Variants in METTL15 observed in about 807,000 individuals in gnomAD.
The protein encoded by METTL15 is methyltransferase 15, mitochondrial 12S rRNA N4-cytidine.
In METTL15, 34 loss-of-function variants were observed where a neutral mutation model predicts 38.3. That is an observed-to-expected ratio of 0.89 (90% confidence interval 0.68 to 1.18). The LOEUF (loss-of-function observed/expected upper bound fraction) is 1.18, where lower values mean the gene tolerates loss of function less well. METTL15 is among the 50% of genes most tolerant of loss of function. The pLI, the probability that METTL15 is intolerant of heterozygous loss-of-function variation, is 0.00. For missense variants in METTL15, 438 were observed against 498.4 expected (o/e 0.88, Z 1.15); for synonymous variants, 162 against 170.9 (o/e 0.95, Z 0.41).
intron 6 of METTL15, among the ~76,000 whole-genome samples, chr11:28,525,849 G>T (rs1452204978): frequency 6.6e-6 from 1 of 152,384 alleles, no homozygotes; most frequent in African/African-American, 2.4e-5. Context: ...GGAGCAGGGG[G>T]CGGCGCTTGT....
At chr11:28,393,154 C>A (rs924316101) in intron 5 of METTL15, among the ~76,000 whole-genome samples, 2 of 152,046 alleles carry the variant, frequency 1.3e-5, no homozygotes, top group African/African-American at 4.8e-5. Flanking sequence ...GCCATATGAT[C>A]CTTCAATCTT....
At chr11:28,511,675 A>G (rs1205893498) in intron 6 of METTL15, among the ~76,000 whole-genome samples, 1 of 151,970 alleles carries the variant, frequency 6.6e-6, no homozygotes. Flanking sequence ...TGGTGGGTTC[A>G]TGGTCTCACT....
At chr11:28,305,396 T>C (rs1399307742) in intron 6 of METTL15, among the ~76,000 whole-genome samples, 1 of 152,164 alleles carries the variant, frequency 6.6e-6, no homozygotes, top group East Asian at 1.9e-4. Flanking sequence ...ATACTAGGTA[T>C]TATGTGAAAT....
intron 6 of METTL15, chr11:28,327,439 C>T (rs1849674566): frequency 6.6e-6 from 1 of 152,252 alleles, no homozygotes; most frequent in Non-Finnish European, 1.5e-5. Flanking sequence ...TGTCTGATTG[C>T]AGTGGTTTTA....
At chr11:28,435,843 T>C (rs1352114654) in intron 6 of METTL15, among the ~76,000 whole-genome samples, 1 of 152,210 alleles carries the variant, frequency 6.6e-6, no homozygotes, top group Admixed American at 6.5e-5. Flanking sequence ...AAGGGTCTTA[T>C]AGCCATGCCT....
chr11:28,350,396 T>C (rs940403275), intron 3 of METTL15, among the ~76,000 whole-genome samples: 2 of 152,216 alleles, frequency 1.3e-5, no homozygotes, highest in Admixed American at 6.5e-5. Flanking sequence ...TAAACAAAAT[T>C]AGTTTTATTA....
chr11:28,503,070 A>G (rs190660597), intron 6 of METTL15, among the ~76,000 whole-genome samples: 4 of 152,308 alleles, frequency 2.6e-5, no homozygotes, highest in South Asian at 2.1e-4. Context: ...TCTCCTCCAC[A>G]TTGTCCTTGA....
chr11:28,502,429 C>T (rs1056988211), intron 6 of METTL15, among the ~76,000 whole-genome samples: 1 of 152,162 alleles, frequency 6.6e-6, no homozygotes, highest in Non-Finnish European at 1.5e-5. Flanking sequence ...TCTAACAAAA[C>T]TTTATACACA....
chr11:28,325,103 A>ACT (rs1310182585), intron 6 of METTL15, among the ~76,000 whole-genome samples: 1 of 150,288 alleles, frequency 6.7e-6, no homozygotes, highest in Non-Finnish European at 1.5e-5. Flanking sequence ...GACAGCTCTG[A>ACT]CTCTCTCTCT....
intron 2 of METTL15, among the ~76,000 whole-genome samples, chr11:28,112,402 T>C (rs570232512): frequency 9.2e-5 from 14 of 152,312 alleles, no homozygotes; most frequent in African/African-American, 3.1e-4. Flanking sequence ...AAGGAAAGAA[T>C]AGTGTTAACT....
At chr11:28,467,092 A>G (rs1445502395) in intron 6 of METTL15, among the ~76,000 whole-genome samples, 5 of 152,206 alleles carry the variant, frequency 3.3e-5, no homozygotes, top group African/African-American at 1.2e-4. Context: ...TTAAATGATC[A>G]TTAGCACAGT....
intron 5 of METTL15, among the ~76,000 whole-genome samples, chr11:28,373,899 C>G (rs1219693792): frequency 6.6e-6 from 1 of 152,102 alleles, no homozygotes; most frequent in African/African-American, 2.4e-5. Context: ...GCCAGTTTTC[C>G]CAGCACCACT....
At chr11:28,309,260 GCTTTTGACTCGTCACAAATCTCA>G (rs1482152641) in intron 6 of METTL15, among the ~76,000 whole-genome samples, 1 of 152,036 alleles carries the variant, frequency 6.6e-6, no homozygotes, top group Non-Finnish European at 1.5e-5. Flanking sequence ...CACAAATCTC[GCTTTTGACTCGTCACAAATCTCA>G]CTTTTGACAC....
intron 6 of METTL15, among the ~76,000 whole-genome samples, chr11:28,468,789 A>C (rs927853599): frequency 1.3e-5 from 2 of 152,152 alleles, no homozygotes; most frequent in African/African-American, 4.8e-5. Flanking sequence ...CCAGGGCTCT[A>C]CCTCACTTAA....
At chr11:28,377,660 G>T (rs917039018) in intron 5 of METTL15, among the ~76,000 whole-genome samples, 1 of 152,148 alleles carries the variant, frequency 6.6e-6, no homozygotes, top group African/African-American at 2.4e-5. Flanking sequence ...CTCTCAGCTC[G>T]TCAAAGTCAT....
intron 4 of METTL15, among the ~76,000 whole-genome samples, chr11:28,214,878 C>T (rs184417057): frequency 6.6e-6 from 1 of 152,248 alleles, no homozygotes; most frequent in East Asian, 1.9e-4. Flanking sequence ...AATAGAAGAA[C>T]TCTAGGGACA....
At chr11:28,353,614 CTCA>C (rs1850060748) in intron 4 of METTL15, among the ~76,000 whole-genome samples, 2 of 152,086 alleles carry the variant, frequency 1.3e-5, no homozygotes, top group Admixed American at 1.3e-4. Context: ...AGATCTTTTC[CTCA>C]TAAGTATGTA....
rs763714465 is a variant in METTL15, at chr11:28,120,529, TA to T, written c.270+6934del. On this transcript the variant is annotated intron_variant, in intron 3 of 6. Transcript: ENST00000407364. ...TGGGGGTAAGGGGTGGTATGTGAAT[TA>T]AAAAAAAACAAAAAAAAATCCTGAT... 2.7e-5 allele frequency among the ~76,000 whole-genome samples: 4 copies of T among 149,750 alleles called. No individual in the cohort carries two copies. The East Asian group carries it at 5.8e-4, about 22-fold the overall frequency.
At chr11:28,214,887 C>A (rs1638657291) in intron 4 of METTL15, among the ~76,000 whole-genome samples, 1 of 152,128 alleles carries the variant, frequency 6.6e-6, no homozygotes. Context: ...ACTCTAGGGA[C>A]AACAAGGAAG....
Sources: gnomAD v4.1 joint callset for allele counts (sites outside exome capture counted in the v4.1 genomes callset) on GRCh38, gnomAD v4.1.1 for gene constraint, MANE v1.5 for transcripts, NCBI Gene and HGNC (gene_info 2026-07-23, HGNC 2026-07-21) for gene names.